The following G3BP2 variants were observed in gnomAD, a reference collection of about 807,000 sequenced individuals.
The protein encoded by G3BP2 is ras GTPase-activating protein-binding protein 2.
Under a neutral mutation model 56.7 loss-of-function variants are expected in G3BP2, and 11 were observed. The ratio of observed to expected loss-of-function variants is 0.19; its 90% confidence interval spans 0.12 to 0.32. The LOEUF (loss-of-function observed/expected upper bound fraction) is 0.32. G3BP2 is among the 10% of genes least tolerant of loss of function. G3BP2 has a pLI of 1.00. For missense variants in G3BP2, 340 were observed against 610.9 expected, an observed-to-expected ratio of 0.56 and a Z score of 4.67; for synonymous variants, 165 against 191.6, an observed-to-expected ratio of 0.86 and a Z score of 1.15.
intron 3 of G3BP2, among the ~76,000 whole-genome samples, chr4:75,718,134 C>CA (rs141677439): frequency 0.37 from 53,178 of 144,746 alleles, 11,537 homozygotes; most frequent in African/African-American, 0.62. Context: ...GACTCCGTCG[C>CA]AAAAAAAAAA....
intron 3 of G3BP2, among the ~76,000 whole-genome samples, chr4:75,718,904 G>C (rs1457044586): frequency 6.6e-6 from 1 of 152,198 alleles, no homozygotes. Flanking sequence ...CAGTTAAGGA[G>C]AGCAGAGTCC....
At chr4:75,656,538 C>T (rs934312684) in intron 5 of G3BP2, among the ~76,000 whole-genome samples, 2 of 151,894 alleles carry the variant, frequency 1.3e-5, no homozygotes, top group Non-Finnish European at 2.9e-5. Flanking sequence ...TAAATAATTA[C>T]GGCATAGCCA....
chr4:75,691,041 G>C (rs1207616855), intron 3 of G3BP2, among the ~76,000 whole-genome samples: 1 of 151,698 alleles, frequency 6.6e-6, no homozygotes, highest in African/African-American at 2.4e-5. Flanking sequence ...CCCAGACTGG[G>C]TATCAGTAGA....
At chr4:75,706,545 C>T (rs565627066) in intron 3 of G3BP2, among the ~76,000 whole-genome samples, 7 of 152,004 alleles carry the variant, frequency 4.6e-5, no homozygotes, top group African/African-American at 7.2e-5. Flanking sequence ...GGCGTGGTGG[C>T]GCATGCCTGT....
intron 1 of G3BP2, among the ~76,000 whole-genome samples, chr4:75,665,875 C>T (rs956044604): frequency 6.6e-6 from 1 of 152,104 alleles, no homozygotes; most frequent in Non-Finnish European, 1.5e-5. Context: ...TAACTATACA[C>T]AAAATAGTTT....
chr4:75,720,405 G>A (rs1425977221), intron 3 of G3BP2, among the ~76,000 whole-genome samples: 1 of 151,826 alleles, frequency 6.6e-6, no homozygotes, highest in Non-Finnish European at 1.5e-5. Flanking sequence ...CAGAGGCTGA[G>A]GCAGGAGAAT....
At chr4:75,661,842 T>C (rs1367199416) in intron 2 of G3BP2, 89 bp downstream of exon 2, 2 of 667,308 alleles carry the variant, frequency 3.0e-6, no homozygotes, top group Non-Finnish European at 5.5e-6. Flanking sequence ...TACTGTCAGA[T>C]AATGAGGAGA....
intron 1 of G3BP2, 107 bp from the exon 2 acceptor site, chr4:75,662,156 C>T: frequency 1.6e-6 from 1 of 626,434 alleles, no homozygotes; most frequent in Non-Finnish European, 2.9e-6. Flanking sequence ...AGTTGTATAC[C>T]AATTTTAGTG....
At chr4:75,653,913 A>T in intron 8 of G3BP2, 70 bp downstream of exon 8, 2 of 735,170 alleles carry the variant, frequency 2.7e-6, no homozygotes, top group Non-Finnish European at 4.8e-6. Flanking sequence ...CTCATTTTTA[A>T]AAGTATTTTA....
chr4:75,716,699 G>T (rs1322321299), intron 3 of G3BP2, among the ~76,000 whole-genome samples: 1 of 151,950 alleles, frequency 6.6e-6, no homozygotes, highest in Non-Finnish European at 1.5e-5. Flanking sequence ...ATTTTTAGTA[G>T]ACACGGGGTT....
In G3BP2 at chr4:75,643,315, A is replaced by ATATATATATATATATATATG. The variant is rs1166357883; in HGVS notation, c.*2114_*2115insCATATATATATATATATATA. On this transcript the variant is annotated 3_prime_UTR_variant, in exon 12 of 12. Coordinates refer to ENST00000359707, the MANE Select transcript of G3BP2 (RefSeq NM_203505.3). ...GGAAATTATATATATATATATATAT[A>ATATATATATATATATATATG]TGGAAACAGAAATACAAGAAAATAT... 7.4e-6 allele frequency: 1 copy of ATATATATATATATATATATG among 135,608 alleles called. No individual in the cohort carries two copies. The highest frequency in any genetic ancestry group is 7.4e-5 in the Admixed American group (1 of 13,498). 8.4% of individuals were successfully genotyped at this position (135,608 alleles called of 1,614,324 possible). A position where few individuals can be genotyped will look rare whatever the true frequency, so the allele number is the denominator to read the frequency against.
At chr4:75,692,819 A>G (rs1322269867) in intron 3 of G3BP2, among the ~76,000 whole-genome samples, 2 of 152,218 alleles carry the variant, frequency 1.3e-5, no homozygotes, top group Non-Finnish European at 2.9e-5. Context: ...GTCAAGCAAC[A>G]TGGAGGGTCT....
At chr4:75,692,500 C>T (rs943990302) in intron 3 of G3BP2, among the ~76,000 whole-genome samples, 2 of 151,996 alleles carry the variant, frequency 1.3e-5, no homozygotes, top group Non-Finnish European at 2.9e-5. Flanking sequence ...TTAGTAGAGA[C>T]GCGGTTTCAC....
chr4:75,652,708 T>C (rs1053582216), intron 8 of G3BP2, among the ~76,000 whole-genome samples: 5 of 152,148 alleles, frequency 3.3e-5, no homozygotes, highest in Non-Finnish European at 5.9e-5. Context: ...AACCCTACTA[T>C]GTACATAAAT....
At chr4:75,660,839 A>G (rs1397129185) in intron 2 of G3BP2, among the ~76,000 whole-genome samples, 1 of 152,180 alleles carries the variant, frequency 6.6e-6, no homozygotes, top group Non-Finnish European at 1.5e-5. Flanking sequence ...TCTACTTGCT[A>G]AGATACACCA....
In G3BP2 at chr4:75,694,951, G is replaced by A; in HGVS notation, c.-25+25926C>T. ...GAAACTGGAGCAGCAAGACAAGAAA[G>A]GCAGGACTGTGAGAAGAGGTAATCG... On this transcript the variant is annotated intron_variant, in intron 3 of 3. Coordinates refer to the G3BP2 transcript ENST00000499709. 3 of 985,202 alleles carry A rather than the reference G, an allele frequency of 3.0e-6. No individual in the cohort carries two copies. The South Asian group carries it at 1.4e-4, about 46-fold the overall frequency. 61.0% of individuals were successfully genotyped at this position (985,202 alleles called of 1,614,324 possible).
chr4:75,703,998 A>T (rs1364352208), intron 3 of G3BP2, among the ~76,000 whole-genome samples: 2 of 148,644 alleles, frequency 1.3e-5, no homozygotes, highest in African/African-American at 5.0e-5. Context: ...AGTCCTCTGT[A>T]ATGTCTATGA....
chr4:75,666,589 A>C (rs1560624564), intron 1 of G3BP2, among the ~76,000 whole-genome samples: 1 of 152,226 alleles, frequency 6.6e-6, no homozygotes, highest in Non-Finnish European at 1.5e-5. Flanking sequence ...ATCAACCATC[A>C]AACAACGTGG....
chr4:75,656,573 T>C (rs1045354678), intron 5 of G3BP2, among the ~76,000 whole-genome samples: 1 of 152,102 alleles, frequency 6.6e-6, no homozygotes, highest in Non-Finnish European at 1.5e-5. Flanking sequence ...AACAAAGACA[T>C]ATTATTACAT....
Sources: gnomAD v4.1 joint callset for allele counts (sites outside exome capture counted in the v4.1 genomes callset) on GRCh38, gnomAD v4.1.1 for gene constraint, MANE v1.5 for transcripts, NCBI Gene and HGNC (gene_info 2026-07-23, HGNC 2026-07-21) for gene names.